ITPK1: variants seen among roughly 807,000 people sequenced by gnomAD.
ITPK1 encodes inositol-tetrakisphosphate 1-kinase.
Under a neutral mutation model 45.3 loss-of-function variants are expected in ITPK1, and 21 were observed. That is an observed-to-expected ratio of 0.46 (90% CI 0.33 to 0.67). The LOEUF (loss-of-function observed/expected upper bound fraction) is 0.67. ITPK1 is among the 30% of genes least tolerant of loss of function. ITPK1 has a pLI of 0.02. For missense variants in ITPK1, 474 were observed against 573.5 expected, an observed-to-expected ratio of 0.83 and a Z score of 1.77; for synonymous variants, 258 against 253.6, an observed-to-expected ratio of 1.02 and a Z score of -0.16.
chr14:93,011,756 C>A (rs536831007), intron 4 of ITPK1, among the ~76,000 whole-genome samples: 1 of 152,270 alleles, frequency 6.6e-6, no homozygotes, highest in Non-Finnish European at 1.5e-5. Context: ...TTGGACGCAC[C>A]TGGGCTCCAA....
intron 10 of ITPK1, among the ~76,000 whole-genome samples, chr14:92,944,102 C>T (rs983277875): frequency 5.3e-5 from 8 of 152,302 alleles, no homozygotes; most frequent in East Asian, 1.9e-4. Context: ...GTGTCATCAG[C>T]GCTTGCAGCT....
chr14:93,087,831 C>A (rs1449227100), intron 2 of ITPK1, among the ~76,000 whole-genome samples: 1 of 152,204 alleles, frequency 6.6e-6, no homozygotes, highest in Non-Finnish European at 1.5e-5. Flanking sequence ...TGCACGGTAC[C>A]CGCAGATTCC....
chr14:93,038,817 G>A (rs1251422863), intron 3 of ITPK1, among the ~76,000 whole-genome samples: 1 of 152,294 alleles, frequency 6.6e-6, no homozygotes, highest in East Asian at 1.9e-4. Context: ...GTGAGCCACC[G>A]CACCCAGCCA....
chr14:93,086,136 C>T (rs1566778029), intron 2 of ITPK1, among the ~76,000 whole-genome samples: 2 of 152,164 alleles, frequency 1.3e-5, no homozygotes, highest in African/African-American at 2.4e-5. Context: ...CAGAAATTCC[C>T]GTGACATTTC....
rs1293927301 is a variant in ITPK1 at position 93,115,185 on chromosome 14, C to A, written c.-22G>T. On this transcript the variant is annotated 5_prime_UTR_variant, in exon 2 of 11. The change creates a new upstream start codon in the 5' untranslated region. Transcript: ENST00000267615. ...GCATCTTCCTCCTCGGGCGGGGAGCCTGGGTCCGGAGGAAATCGCCCACAG... is the reference window on the plus strand; with the variant it reads ...GCATCTTCCTCCTCGGGCGGGGAGCATGGGTCCGGAGGAAATCGCCCACAG... 1.9e-6 allele frequency: 3 copies of A among 1,570,828 alleles called. No individual in the cohort carries two copies. The highest frequency in any genetic ancestry group is 2.6e-6 in the Non-Finnish European group (3 of 1,148,134).
At chr14:93,067,047 C>T (rs573310733) in intron 3 of ITPK1, among the ~76,000 whole-genome samples, 1 of 152,346 alleles carries the variant, frequency 6.6e-6, no homozygotes, top group African/African-American at 2.4e-5. Flanking sequence ...AGTAGCAATG[C>T]TATGGATACC....
At position 92,977,063 on chromosome 14, in the gene ITPK1, C is replaced by T. The variant is rs571215557; in HGVS notation, c.365-14214G>A. On this transcript the variant is annotated intron_variant, in intron 5 of 10. Coordinates refer to ENST00000267615, the MANE Select transcript of ITPK1 (RefSeq NM_014216.6). ...ACTTCACCTTTTGGTGCCTTCATTTCCTGATCTGTAAAATGGCAATAAGAG... is the reference window on the plus strand; with the variant it reads ...ACTTCACCTTTTGGTGCCTTCATTTTCTGATCTGTAAAATGGCAATAAGAG... Among the ~76,000 whole-genome samples, 6 of 152,350 alleles carry T rather than the reference C, an allele frequency of 3.9e-5. No individual in the cohort carries two copies. The East Asian group carries it at 1.2e-3, about 29-fold the overall frequency.
intron 2 of ITPK1, among the ~76,000 whole-genome samples, chr14:93,110,165 A>G (rs569352616): frequency 6.6e-6 from 1 of 152,224 alleles, no homozygotes; most frequent in African/African-American, 2.4e-5. Context: ...AGTCCCTTCA[A>G]TAGATCCATG....
chr14:92,987,865 G>A (rs547854478), intron 5 of ITPK1, among the ~76,000 whole-genome samples: 40 of 152,248 alleles, frequency 2.6e-4, no homozygotes, highest in South Asian at 8.3e-4. Context: ...GCTTCCACAC[G>A]GCAGACGCCA....
chr14:93,075,052 G>A (rs764528295), intron 3 of ITPK1, among the ~76,000 whole-genome samples: 17 of 152,238 alleles, frequency 1.1e-4, no homozygotes, highest in South Asian at 1.0e-3. Context: ...CAGGTTGGGC[G>A]CGGTGGCTCA....
chr14:93,038,773 C>A (rs546813352), intron 3 of ITPK1, among the ~76,000 whole-genome samples: 8 of 152,128 alleles, frequency 5.3e-5, no homozygotes, highest in South Asian at 2.1e-4. Context: ...GTGATCCACC[C>A]GTTTCGGCCT....
intron 3 of ITPK1, among the ~76,000 whole-genome samples, chr14:93,022,384 G>A (rs1161647245): frequency 6.6e-6 from 1 of 152,208 alleles, no homozygotes; most frequent in Non-Finnish European, 1.5e-5. Flanking sequence ...GGCTAGTCAA[G>A]AGCCACTGAG....
intron 3 of ITPK1, among the ~76,000 whole-genome samples, chr14:93,022,170 C>A (rs761674705): frequency 2.8e-4 from 42 of 152,326 alleles, no homozygotes; most frequent in Non-Finnish European, 4.4e-4. Context: ...GCGTTCCCAA[C>A]ACTGGGTGCT....
At chr14:92,972,970 G>T (rs950046778) in intron 5 of ITPK1, among the ~76,000 whole-genome samples, 3 of 152,168 alleles carry the variant, frequency 2.0e-5, no homozygotes, top group African/African-American at 7.2e-5. Flanking sequence ...CTATATCTCT[G>T]GGATGGTCCC....
intron 3 of ITPK1, among the ~76,000 whole-genome samples, chr14:93,045,705 G>A (rs539482040): frequency 4.3e-4 from 65 of 152,280 alleles, no homozygotes; most frequent in Middle Eastern, 3.4e-3. Flanking sequence ...CATGCAATCA[G>A]AGAACTAATT....
chr14:93,016,583 TG>T lies in ITPK1; in HGVS notation c.246+92del. On this transcript the variant is annotated intron_variant, in intron 4 of 10. Coordinates refer to ENST00000267615, the MANE Select transcript of ITPK1 (RefSeq NM_014216.6). This position sits in a 1 kb window ranked among gnomAD's most constrained non-coding sequence, Gnocchi z 5.0. ...TCTCCAGACTATACCTCCAGAGAGC[TG>T]CTACCGCCCTAAATACACACACGGC... 1.4e-6 allele frequency: 2 copies of T among 1,412,752 alleles called. No individual in the cohort carries two copies. Among genetic ancestry groups the T allele is most frequent in the Admixed American group, 3.6e-5 (2 of 54,858 alleles). 87.5% of individuals were successfully genotyped at this position (1,412,752 alleles called of 1,614,324 possible).
At chr14:93,092,767 A>G (rs1891914031) in intron 2 of ITPK1, among the ~76,000 whole-genome samples, 1 of 151,894 alleles carries the variant, frequency 6.6e-6, no homozygotes, top group African/African-American at 2.4e-5. Flanking sequence ...CCAAGCTTCC[A>G]CCCCACGACA....
At chr14:92,975,984 G>C (rs1048253709) in intron 5 of ITPK1, among the ~76,000 whole-genome samples, 1 of 152,160 alleles carries the variant, frequency 6.6e-6, no homozygotes, top group African/African-American at 2.4e-5. Flanking sequence ...GCTTCATTCT[G>C]CACTTCTCCT....
intron 9 of ITPK1, 136 bp from the exon 10 acceptor site, chr14:92,946,629 T>C (rs1887704276): frequency 1.1e-6 from 1 of 875,632 alleles, no homozygotes; most frequent in Non-Finnish European, 1.8e-6. Flanking sequence ...CCTACTGTGG[T>C]GAGCACGGGG....
Sources: allele counts gnomAD v4.1 joint callset (sites outside exome capture counted in the v4.1 genomes callset), GRCh38; gene constraint gnomAD v4.1.1; non-coding constraint Gnocchi (gnomAD v3.1); transcripts MANE v1.5; gene names NCBI Gene and HGNC (gene_info 2026-07-23, HGNC 2026-07-21).